Variants in ASAP2 observed in about 807,000 individuals in gnomAD.
ASAP2 encodes the protein arf-GAP with SH3 domain, ANK repeat and PH domain-containing protein 2.
ASAP2 carries 45 observed loss-of-function variants against 131.4 expected under a neutral mutation model. The observed-to-expected ratio is 0.34, with a 90% CI of 0.27 to 0.44. The LOEUF (loss-of-function observed/expected upper bound fraction) is 0.44. Ranked by LOEUF, ASAP2 falls within the 20% of genes least tolerant of loss-of-function variation. The pLI is 1.00. For missense variants in ASAP2, 1,011 were observed against 1,297.0 expected (o/e 0.78, Z 3.39); for synonymous variants, 510 against 503.0 (o/e 1.01, Z -0.19).
chr2:9,370,271 A>G (rs1673844317), intron 16 of ASAP2, among the ~76,000 whole-genome samples: 1 of 152,208 alleles, frequency 6.6e-6, no homozygotes, highest in African/African-American at 2.4e-5. Flanking sequence ...GTGAACAGGG[A>G]CCATGTGCAT....
At chr2:9,359,330 G>GC (rs1464577110) in intron 15 of ASAP2, among the ~76,000 whole-genome samples, 1 of 152,260 alleles carries the variant, frequency 6.6e-6, no homozygotes, top group Non-Finnish European at 1.5e-5. Flanking sequence ...TGTCCCCCAT[G>GC]GGGGGAGATA....
chr2:9,216,376 T>C (rs1172790509), intron 1 of ASAP2, among the ~76,000 whole-genome samples: 1 of 149,200 alleles, frequency 6.7e-6, no homozygotes, highest in East Asian at 2.0e-4. Flanking sequence ...AGCCTTGACC[T>C]CCTGGGCTCA....
In ASAP2 at chr2:9,281,223, A is replaced by T. The variant is rs1667110943; in HGVS notation, c.199+1834A>T. Reference sequence around the variant, plus strand: ...GATATTCTGGTCAGACTCAAAAATGATTTTATAGTCATATGTTGAAAAGGT... The same window carrying T: ...GATATTCTGGTCAGACTCAAAAATGTTTTTATAGTCATATGTTGAAAAGGT... On this transcript the variant is annotated intron_variant, in intron 2 of 27. Coordinates refer to ENST00000281419, the MANE Select transcript of ASAP2 (RefSeq NM_003887.3). The surrounding 1 kb of genome is among the most constrained non-coding windows in gnomAD (Gnocchi z 4.0). 6.6e-6 allele frequency among the ~76,000 whole-genome samples: 1 copy of T among 152,004 alleles called. No homozygotes were observed. Among genetic ancestry groups the T allele is most frequent in the African/African-American group, 2.4e-5 (1 of 41,360 alleles).
rs62118801 is a variant in ASAP2 at position 9,378,859 on chromosome 2, C to T, written c.1833-85C>T. On this transcript the variant is annotated intron_variant, in intron 18 of 27. Transcript: ENST00000281419. ...GGGGACTGTCTGCCTTTCCTGTGCC[C>T]GTAGCCCAGGCTCCCTGCCGGGCAG... 3.9e-5 allele frequency: 37 copies of T among 956,250 alleles called. No individual in the cohort carries two copies. In the South Asian group the frequency reaches 6.3e-4, roughly 16 times the overall value. The allele number at this position is 956,250 out of a possible 1,614,324, so 59.2% of individuals were successfully genotyped here.
chr2:9,388,140 G>A (rs1283694557), intron 21 of ASAP2, among the ~76,000 whole-genome samples, 154 bp from the exon 22 acceptor site: 1 of 152,144 alleles, frequency 6.6e-6, no homozygotes, highest in East Asian at 1.9e-4. Flanking sequence ...CAGCTCTCAC[G>A]CAACTTGTAG....
intron 14 of ASAP2, 132 bp downstream of exon 14, chr2:9,356,477 C>G (rs1253047893): frequency 9.2e-7 from 1 of 1,085,498 alleles, no homozygotes; most frequent in Non-Finnish European, 1.3e-6. Context: ...GAGTTCATCC[C>G]ATTACACAAA....
At chr2:9,345,992 C>CT (rs1671938037) in intron 11 of ASAP2, among the ~76,000 whole-genome samples, 1 of 151,996 alleles carries the variant, frequency 6.6e-6, no homozygotes, top group Non-Finnish European at 1.5e-5. Context: ...TCGGTGACCT[C>CT]TGGTCTAGGG....
chr2:9,319,636 C>G (rs1670027764), intron 4 of ASAP2, among the ~76,000 whole-genome samples: 1 of 152,184 alleles, frequency 6.6e-6, no homozygotes, highest in Admixed American at 6.5e-5. Context: ...TACCTGAGGC[C>G]ATTGAAAAGC....
chr2:9,207,263 G>A lies in ASAP2; in HGVS notation c.126+33G>A, dbSNP rs759708662. 6.2e-5 allele frequency: 94 copies of A among 1,510,794 alleles called. No individual in the cohort carries two copies. Among genetic ancestry groups the A allele is most frequent in the Non-Finnish European group, 7.6e-5 (86 of 1,131,692 alleles). The allele number at this position is 1,510,794 out of a possible 1,614,324, so 93.6% of individuals were successfully genotyped here. A position where few individuals can be genotyped will look rare whatever the true frequency, so the allele number is the denominator to read the frequency against. On this transcript the variant is annotated intron_variant, in intron 1 of 27. Transcript: ENST00000281419. This position sits in a 1 kb window ranked among gnomAD's most constrained non-coding sequence, Gnocchi z 4.1. ...GGCCTGCGCGGCGGCTCCGGCCGCA[G>A]GTATCCCGCGCCCCAGCCCCGCCCG...
rs894536353 is a variant in ASAP2 at position 9,281,537 on chromosome 2, T to A, written c.199+2148T>A. 6.6e-6 allele frequency among the ~76,000 whole-genome samples: 1 copy of A among 152,198 alleles called. No homozygotes were observed. Among genetic ancestry groups the A allele is most frequent in the Non-Finnish European group, 1.5e-5 (1 of 68,038 alleles). On this transcript the variant is annotated intron_variant, in intron 2 of 27. Coordinates refer to ENST00000281419, the MANE Select transcript of ASAP2 (RefSeq NM_003887.3). This position sits in a 1 kb window ranked among gnomAD's most constrained non-coding sequence, Gnocchi z 4.0. ...TCCTATTTCTAACCACCCCCAAGCG[T>A]CGTTTGCTAAAATGCAACCCCACTG...
At position 9,237,487 on chromosome 2, in the gene ASAP2, C is replaced by T. The variant is rs1013690288; in HGVS notation, c.126+30257C>T. Reference sequence around the variant, plus strand: ...GATGCAGTGGCATGATCTCAGCTCGCTGCAGCCTCGACCTCCTAGGCTCCA... The same window carrying T: ...GATGCAGTGGCATGATCTCAGCTCGTTGCAGCCTCGACCTCCTAGGCTCCA... On this transcript the variant is annotated intron_variant, in intron 1 of 27. Coordinates refer to ENST00000281419, the MANE Select transcript of ASAP2 (RefSeq NM_003887.3). 3.3e-5 allele frequency among the ~76,000 whole-genome samples: 5 copies of T among 151,274 alleles called. No individual in the cohort carries two copies. The South Asian group carries it at 1.0e-3, about 31-fold the overall frequency.
At chr2:9,302,086 G>GT (rs1460792387) in intron 3 of ASAP2, among the ~76,000 whole-genome samples, 1 of 146,972 alleles carries the variant, frequency 6.8e-6, no homozygotes, top group Non-Finnish European at 1.5e-5. Flanking sequence ...GCCTCCCAAA[G>GT]TGCAGGGATT....
intron 24 of ASAP2, among the ~76,000 whole-genome samples, chr2:9,397,891 TG>T (rs1467125769): frequency 2.7e-5 from 4 of 149,426 alleles, no homozygotes; most frequent in Non-Finnish European, 5.9e-5. Context: ...CCTGAGTAGC[TG>T]GGACTACAGG....
chr2:9,334,975 G>T, intron 8 of ASAP2, 118 bp from the exon 9 acceptor site: 1 of 1,352,492 alleles, frequency 7.4e-7, no homozygotes, highest in South Asian at 1.2e-5. Context: ...GGGAAGGTTT[G>T]ACCAGCGAGG....
At chr2:9,210,314 G>A (rs1481271270) in intron 1 of ASAP2, among the ~76,000 whole-genome samples, 1 of 152,212 alleles carries the variant, frequency 6.6e-6, no homozygotes, top group Non-Finnish European at 1.5e-5. Flanking sequence ...ATTTTCCTCA[G>A]CTTTAAAGTC....
chr2:9,322,101 C>G (rs1670183494), intron 5 of ASAP2, among the ~76,000 whole-genome samples: 1 of 152,202 alleles, frequency 6.6e-6, no homozygotes. Flanking sequence ...CAGGGACCCT[C>G]CAGTCACACT....
intron 1 of ASAP2, among the ~76,000 whole-genome samples, chr2:9,239,731 C>CT (rs879382435): frequency 3.5e-4 from 52 of 148,250 alleles, no homozygotes; most frequent in South Asian, 8.6e-4. Context: ...ATGGCAGCAT[C>CT]TTTTTTTTTT....
In ASAP2 at chr2:9,404,187, T is replaced by C. The variant is rs964119510; in HGVS notation, c.*860T>C. On this transcript the variant is annotated 3_prime_UTR_variant, in exon 28 of 28. Transcript: ENST00000281419. The stretch of plus-strand genomic sequence containing the variant: ...ATTCTGTGGCGCAGACCATGCTGTA[T>C]TAACACATCACTTGCTGTTTCCTAC... The C allele has an allele frequency of 2.0e-5, 3 of 152,222 alleles. No homozygotes were observed. The highest frequency in any genetic ancestry group is 6.5e-5 in the Admixed American group (1 of 15,274). 9.4% of individuals were successfully genotyped at this position (152,222 alleles called of 1,614,324 possible). A position where few individuals can be genotyped will look rare whatever the true frequency, so the allele number is the denominator to read the frequency against.
intron 1 of ASAP2, among the ~76,000 whole-genome samples, chr2:9,263,967 G>A (rs1334411515): frequency 3.3e-5 from 5 of 151,992 alleles, no homozygotes; most frequent in East Asian, 1.9e-4. Context: ...CAAGGCGGGC[G>A]GATCAGTTGA....
Sources: allele counts gnomAD v4.1 joint callset (sites outside exome capture counted in the v4.1 genomes callset), GRCh38; gene constraint gnomAD v4.1.1; non-coding constraint Gnocchi (gnomAD v3.1); transcripts MANE v1.5; gene names NCBI Gene and HGNC (gene_info 2026-07-23, HGNC 2026-07-21).